The following TBC1D8B variants were observed in gnomAD, a reference collection of about 807,000 sequenced individuals.
TBC1D8B encodes RP11-321G1.1.
Under a neutral mutation model 82.9 loss-of-function variants are expected in TBC1D8B, and 75 were observed. That is an observed-to-expected ratio of 0.90 (90% CI 0.75 to 1.10). TBC1D8B has a LOEUF of 1.10. Among genes scored for constraint, TBC1D8B ranks in the 50% least tolerant of loss-of-function variants. The probability of loss-of-function intolerance (pLI) is 0.00; values close to 1 mark genes in which losing one functional copy is unlikely to be tolerated. For missense variants in TBC1D8B, 794 were observed against 796.9 expected, an observed-to-expected ratio of 1.00 and a Z score of 0.04; for synonymous variants, 276 against 276.8, an observed-to-expected ratio of 1.00 and a Z score of 0.03.
intron 17 of TBC1D8B, 105 bp from the exon 18 acceptor site, chrX:106,868,288 G>T: frequency 2.4e-6 from 1 of 419,501 alleles, no homozygotes. Flanking sequence ...TTCTTATACA[G>T]AAACTCTTTA....
chrX:106,870,716 G>T lies in TBC1D8B; in HGVS notation c.2870G>T (p.Gly957Val). ...AAATGGTTTTACTCCCTTTCTTCAG[G>T]CAAAGGGAAAATTGATATTCAAGCA... ...AESAKHSPEKGKGKIDIQAYL... is the reference protein window; with the variant it reads ...AESAKHSPEKVKGKIDIQAYL... The change falls in exon 20 of 21, where the codon GGC (glycine) becomes GTC (valine). Residue 957 changes from glycine to valine, a missense_variant and splice_region_variant. By Grantham distance (109) the Gly-to-Val change is moderately radical (BLOSUM62 -3). Transcript: ENST00000357242. The T allele has an allele frequency of 1.7e-6, 2 of 1,189,026 alleles. No individual in the cohort carries two copies. The highest frequency in any genetic ancestry group is 2.3e-6 in the Non-Finnish European group (2 of 878,270).
intron 11 of TBC1D8B, among the ~76,000 whole-genome samples, chrX:106,848,666 G>T (rs1932514688): frequency 9.0e-6 from 1 of 111,537 alleles, no homozygotes; most frequent in Non-Finnish European, 1.9e-5. Flanking sequence ...TTTGATGGGA[G>T]GGAGATTTCA....
At chrX:106,844,622 T>C (rs1021699615) in intron 10 of TBC1D8B, among the ~76,000 whole-genome samples, 2 of 108,735 alleles carry the variant, frequency 1.8e-5, no homozygotes, top group African/African-American at 6.6e-5. Flanking sequence ...GGATCCTTTT[T>C]ATGTGTTCTT....
chrX:106,805,183 G>A (rs1931152982), intron 1 of TBC1D8B, among the ~76,000 whole-genome samples: 1 of 102,580 alleles, frequency 9.7e-6, no homozygotes, highest in South Asian at 4.6e-4. Context: ...GGAACTCCTG[G>A]GCTCAAGTGA....
At chrX:106,811,173 T>C (rs776566080) in intron 1 of TBC1D8B, among the ~76,000 whole-genome samples, 15 of 111,226 alleles carry the variant, frequency 1.3e-4, no homozygotes, top group Non-Finnish European at 2.5e-4. Flanking sequence ...GGAATACACA[T>C]TGTGATATGC....
intron 14 of TBC1D8B, among the ~76,000 whole-genome samples, chrX:106,857,111 G>T (rs112599185): frequency 3.6e-5 from 4 of 111,031 alleles, no homozygotes; most frequent in African/African-American, 1.3e-4. Context: ...AGGATCTTCA[G>T]AGAATTATTG....
At chrX:106,858,338 T>C (rs1932737331) in intron 14 of TBC1D8B, among the ~76,000 whole-genome samples, 1 of 112,061 alleles carries the variant, frequency 8.9e-6, no homozygotes, top group Non-Finnish European at 1.9e-5. Flanking sequence ...AGTGGTGCGA[T>C]CTTGGCTCAC....
At chrX:106,843,447 G>C (rs1932365227) in intron 10 of TBC1D8B, among the ~76,000 whole-genome samples, 1 of 111,353 alleles carries the variant, frequency 9.0e-6, no homozygotes, top group African/African-American at 3.3e-5. Context: ...CTTTTTGATT[G>C]CAGCCATTCC....
intron 10 of TBC1D8B, among the ~76,000 whole-genome samples, chrX:106,847,561 A>G (rs963350094): frequency 2.9e-4 from 33 of 111,957 alleles, no homozygotes; most frequent in Non-Finnish European, 2.6e-4. Flanking sequence ...TGACATTTGT[A>G]TGCAAGATAG....
rs773226499 is a variant in TBC1D8B, at chrX:106,874,293, AC to A, written c.*329del. 373 of 140,000 alleles carry A rather than the reference AC, an allele frequency of 2.7e-3. 4 individuals carry two copies. The highest frequency in any genetic ancestry group is 0.011 in the African/African-American group (360 of 32,100). 11.5% of individuals were successfully genotyped at this position (140,000 alleles called of 1,213,427 possible). On this transcript the variant is annotated 3_prime_UTR_variant, in exon 21 of 21. Transcript: ENST00000357242. ...ATGCTAAATGTTACCACCAGAGGGC[AC>A]AAGCATATCACTTTTAGTAAGGAAA...
chrX:106,850,356 A>G (rs751016974), intron 12 of TBC1D8B, 46 bp downstream of exon 12: 1 of 1,114,409 alleles, frequency 9.0e-7, no homozygotes, highest in Non-Finnish European at 1.2e-6. Flanking sequence ...GATTTGAGAG[A>G]TGATGTTGTT....
intron 10 of TBC1D8B, among the ~76,000 whole-genome samples, chrX:106,846,446 G>A (rs1007582624): frequency 2.1e-5 from 2 of 93,695 alleles, no homozygotes; most frequent in Non-Finnish European, 4.2e-5. Flanking sequence ...AACTGGGGAG[G>A]GGGGTGGGAA....
At chrX:106,834,590 A>G (rs1303219643) in intron 7 of TBC1D8B, among the ~76,000 whole-genome samples, 1 of 111,936 alleles carries the variant, frequency 8.9e-6, no homozygotes, top group Non-Finnish European at 1.9e-5. Flanking sequence ...CCAAAGGCTC[A>G]TCTGAGATAA....
chrX:106,867,643 A>G (rs905216927), intron 17 of TBC1D8B, among the ~76,000 whole-genome samples: 2 of 111,989 alleles, frequency 1.8e-5, no homozygotes, highest in Non-Finnish European at 3.8e-5. Context: ...CTGAAGGAGC[A>G]TTGCAAAAAG....
rs1207605924 is a variant in TBC1D8B at position 106,802,931 on chromosome X, C to T, written c.78C>T (p.Phe26=). ...LWLMERSNDY[F]VLQRRRGYGE... ...TGATGGAAAGGTCCAACGACTACTTCGTGCTGCAGCGGCGTCGGGGCTACG... is the reference window on the plus strand; with the variant it reads ...TGATGGAAAGGTCCAACGACTACTTTGTGCTGCAGCGGCGTCGGGGCTACG... Residue 26 remains phenylalanine, a synonymous_variant, in exon 1 of 21, where the codon TTC becomes TTT. Transcript: ENST00000357242. 8.3e-7 allele frequency: 1 copy of T among 1,210,841 alleles called. No homozygotes were observed. The highest frequency in any genetic ancestry group is 1.8e-5 in the South Asian group (1 of 56,859).
At position 106,826,024 on chromosome X, in the gene TBC1D8B, C is replaced by A. The variant is rs766070114; in HGVS notation, c.828-6C>A. 8.3e-7 allele frequency: 1 copy of A among 1,205,238 alleles called. No individual in the cohort carries two copies. The highest frequency in any genetic ancestry group is 1.8e-5 in the South Asian group (1 of 55,956). Reference sequence around the variant, plus strand: ...TGTGCCTTATCCCATTTTTTCTTTCCTACAGAGGTCTGGAAAATAGAGCCC... The same window carrying A: ...TGTGCCTTATCCCATTTTTTCTTTCATACAGAGGTCTGGAAAATAGAGCCC... On this transcript the variant is annotated splice_region_variant and splice_polypyrimidine_tract_variant and intron_variant, in intron 5 of 20. Transcript: ENST00000357242.
intron 10 of TBC1D8B, among the ~76,000 whole-genome samples, chrX:106,842,601 CTCTATCTATCTA>C (rs55764545): frequency 0.065 from 6,216 of 95,248 alleles, 214 homozygotes; most frequent in African/African-American, 0.13. Flanking sequence ...GGCTAGCTTG[CTCTATCTATCTA>C]TCTATCTATC....
intron 3 of TBC1D8B, 49 bp downstream of exon 3, chrX:106,821,044 T>C (rs1931679814): frequency 1.4e-6 from 1 of 729,758 alleles, no homozygotes; most frequent in Non-Finnish European, 2.0e-6. Context: ...AACCTTTGAC[T>C]CTCATGTATG....
rs1339442533 is a variant in TBC1D8B, at chrX:106,823,368, T to C, written c.729T>C (p.Leu243=). 1 of 1,210,575 alleles carries C rather than the reference T, an allele frequency of 8.3e-7. No individual in the cohort carries two copies. The highest frequency in any genetic ancestry group is 2.2e-5 in the Admixed American group (1 of 45,895). ...TGCACATTAACCAAACATACCTTCT[T>C]ATGGAACAGCTGGCAAACTATGCCA... is the stretch of plus-strand genomic sequence containing the variant. ...MFLHINQTYL[L]MEQLANYAIR... Residue 243 remains leucine, a synonymous_variant, in exon 5 of 21, where the codon CTT becomes CTC. Coordinates refer to ENST00000357242, the MANE Select transcript of TBC1D8B (RefSeq NM_017752.3).
Sources: allele counts gnomAD v4.1 joint callset (sites outside exome capture counted in the v4.1 genomes callset), GRCh38; gene constraint gnomAD v4.1.1; transcripts MANE v1.5; gene names NCBI Gene and HGNC (gene_info 2026-07-23, HGNC 2026-07-21).